OPCML: variants seen among roughly 807,000 people sequenced by gnomAD.
OPCML encodes opioid binding protein/cell adhesion molecule like.
A neutral mutation model predicts 37.8 loss-of-function variants in OPCML; 13 were observed. The ratio of observed to expected loss-of-function variants is 0.34; its 90% confidence interval spans 0.22 to 0.55. OPCML has a LOEUF of 0.55. OPCML is among the 20% of genes least tolerant of loss of function. The pLI, the probability that OPCML is intolerant of heterozygous loss-of-function variation, is 0.91. For missense variants in OPCML, 341 were observed against 435.6 expected (o/e 0.78, Z 1.93); for synonymous variants, 176 against 168.8 (o/e 1.04, Z -0.33).
At chr11:132,841,814 T>C (rs544270976) in intron 2 of OPCML, among the ~76,000 whole-genome samples, 32 of 134,718 alleles carry the variant, frequency 2.4e-4, no homozygotes, top group African/African-American at 9.1e-4. Flanking sequence ...TGAACCAAGA[T>C]TGTACCATTG....
intron 1 of OPCML, among the ~76,000 whole-genome samples, chr11:133,103,967 G>GCCT (rs1949122105): frequency 6.6e-6 from 1 of 152,226 alleles, no homozygotes; most frequent in South Asian, 2.1e-4. Flanking sequence ...CACAGTGCAA[G>GCCT]TTTTTTCAGG....
At chr11:132,659,163 C>T (rs574972087) in intron 2 of OPCML, among the ~76,000 whole-genome samples, 80 of 152,312 alleles carry the variant, frequency 5.3e-4, no homozygotes, top group Middle Eastern at 3.4e-3. Flanking sequence ...CGTGAGGCAT[C>T]TTGCTTCTTT....
At chr11:133,464,347 C>T (rs899713819) in intron 1 of OPCML, among the ~76,000 whole-genome samples, 1 of 151,890 alleles carries the variant, frequency 6.6e-6, no homozygotes, top group African/African-American at 2.4e-5. Flanking sequence ...GTTTTTGTCC[C>T]TAGGATACAA....
intron 1 of OPCML, among the ~76,000 whole-genome samples, chr11:133,157,513 A>G (rs148875577): frequency 1.3e-3 from 203 of 152,292 alleles, no homozygotes; most frequent in African/African-American, 4.2e-3. Context: ...TACCAGGTTA[A>G]TCACCAGCAA....
intron 2 of OPCML, among the ~76,000 whole-genome samples, chr11:132,743,339 T>A (rs1339563060): frequency 1.3e-5 from 2 of 152,234 alleles, no homozygotes; most frequent in South Asian, 4.1e-4. Context: ...CACTGGGATA[T>A]GTTGGAAACT....
intron 1 of OPCML, among the ~76,000 whole-genome samples, chr11:133,188,252 A>G (rs1193646533): frequency 6.6e-6 from 1 of 152,222 alleles, no homozygotes; most frequent in Non-Finnish European, 1.5e-5. Flanking sequence ...GAAGAATCAT[A>G]TGGGCCTCAT....
chr11:133,082,680 G>C (rs1391095180), intron 1 of OPCML, among the ~76,000 whole-genome samples: 2 of 100,374 alleles, frequency 2.0e-5, no homozygotes, highest in African/African-American at 3.8e-5. Context: ...GCACGGCCCT[G>C]TCAGCTACGA....
At chr11:132,627,082 A>G (rs2135677023) in intron 3 of OPCML, among the ~76,000 whole-genome samples, 1 of 152,212 alleles carries the variant, frequency 6.6e-6, no homozygotes, top group African/African-American at 2.4e-5. Flanking sequence ...TTAGGAGAGT[A>G]TTTTAGTAGC....
chr11:133,355,569 T>C (rs549586924), intron 1 of OPCML, among the ~76,000 whole-genome samples: 1 of 152,300 alleles, frequency 6.6e-6, no homozygotes, highest in Non-Finnish European at 1.5e-5. Context: ...GTATTCAGCC[T>C]AAGAACTCCT....
intron 2 of OPCML, among the ~76,000 whole-genome samples, chr11:132,855,390 T>C (rs1462223058): frequency 6.6e-6 from 1 of 152,212 alleles, no homozygotes; most frequent in Admixed American, 6.5e-5. Context: ...TTGGAGAGGC[T>C]GATTTGAGTA....
chr11:133,520,841 T>A (rs554297610), intron 1 of OPCML, among the ~76,000 whole-genome samples: 3 of 152,150 alleles, frequency 2.0e-5, no homozygotes, highest in Non-Finnish European at 4.4e-5. Flanking sequence ...AAAGTCCACG[T>A]TCTCTGGCAG....
chr11:132,606,676 CGTG>C (rs2137815213), intron 3 of OPCML, among the ~76,000 whole-genome samples: 2 of 37,276 alleles, frequency 5.4e-5, no homozygotes, highest in East Asian at 3.1e-4. Flanking sequence ...CCAATGGGAC[CGTG>C]ACTGCCGTGA....
intron 2 of OPCML, among the ~76,000 whole-genome samples, chr11:132,867,301 T>G (rs1942607063): frequency 2.0e-5 from 3 of 152,198 alleles, no homozygotes; most frequent in Admixed American, 2.0e-4. Flanking sequence ...GACAAGATGT[T>G]TCCTCTGTCA....
At chr11:133,262,962 C>T (rs531037105) in intron 1 of OPCML, among the ~76,000 whole-genome samples, 3 of 151,746 alleles carry the variant, frequency 2.0e-5, no homozygotes, top group African/African-American at 7.3e-5. Context: ...GGGGAAGACA[C>T]CCTAGACTTC....
intron 1 of OPCML, among the ~76,000 whole-genome samples, chr11:133,100,518 G>A (rs1442376670): frequency 6.6e-6 from 1 of 152,134 alleles, no homozygotes; most frequent in African/African-American, 2.4e-5. Flanking sequence ...ACTCAATATT[G>A]AAGGAGAAAA....
chr11:133,022,979 G>A lies in OPCML; in HGVS notation c.62-79969C>T, dbSNP rs183518722. On this transcript the variant is annotated intron_variant, in intron 1 of 7. Transcript: ENST00000524381. Reference sequence around the variant, plus strand: ...AGCCTGCTCATGGGGAAAGGCAGGCGAATATTTGTACACGCATTACACCCA... The same window carrying A: ...AGCCTGCTCATGGGGAAAGGCAGGCAAATATTTGTACACGCATTACACCCA... Among the ~76,000 whole-genome samples the A allele has an allele frequency of 2.4e-3, 367 of 152,298 alleles. 1 individual carries two copies. The highest frequency in any genetic ancestry group is 8.3e-3 in the African/African-American group (347 of 41,570).
At chr11:132,890,856 CA>C (rs57246769) in intron 2 of OPCML, among the ~76,000 whole-genome samples, 4,047 of 46,394 alleles carry the variant, frequency 0.087, 113 homozygotes, top group African/African-American at 0.25. Flanking sequence ...GACTCCATCT[CA>C]AAAAAAAAAA....
chr11:133,112,169 A>G (rs1949263788), intron 1 of OPCML, among the ~76,000 whole-genome samples: 1 of 151,804 alleles, frequency 6.6e-6, no homozygotes, highest in African/African-American at 2.4e-5. Context: ...TCCCTATATT[A>G]ATCTTGGGAG....
At chr11:132,960,235 A>G (rs1488515151) in intron 1 of OPCML, among the ~76,000 whole-genome samples, 1 of 152,226 alleles carries the variant, frequency 6.6e-6, no homozygotes, top group African/African-American at 2.4e-5. Flanking sequence ...TTACGTGTAG[A>G]AAACTGAGGC....
Sources: gnomAD v4.1 joint callset for allele counts (sites outside exome capture counted in the v4.1 genomes callset) on GRCh38, gnomAD v4.1.1 for gene constraint, MANE v1.5 for transcripts, NCBI Gene and HGNC (gene_info 2026-07-23, HGNC 2026-07-21) for gene names.